MLXIP: variants seen among roughly 807,000 people sequenced by gnomAD.
MLXIP encodes MLX-interacting protein.
Under a neutral mutation model 87.2 loss-of-function variants are expected in MLXIP, and 30 were observed. The ratio of observed to expected loss-of-function variants is 0.34; its 90% confidence interval spans 0.26 to 0.47. MLXIP has a LOEUF of 0.47. MLXIP is among the 20% of genes least tolerant of loss of function. The pLI, the probability that MLXIP is intolerant of heterozygous loss-of-function variation, is 1.00. For missense variants in MLXIP, 1,002 were observed against 1,240.1 expected (o/e 0.81, Z 2.88); for synonymous variants, 530 against 514.0 (o/e 1.03, Z -0.42).
Position 122,135,623 on chromosome 12 carries a change from C to T in MLXIP, c.1989C>T (p.Val663=), listed in dbSNP as rs550403010. ...ACCCCCTGGGGAAGGGCGAGCAGGT[C>T]CCGCTGCATGGGGGCAGCCCCCAGG... ...AQDPLGKGEQ[V]PLHGGSPQVT... is the part of the protein sequence containing the mutation. The change falls in exon 11 of 17, where the codon GTC becomes GTT. Residue 663 remains valine (V), a synonymous_variant. Coordinates refer to ENST00000319080, the MANE Select transcript of MLXIP (RefSeq NM_014938.6). This position sits in a 1 kb window ranked among gnomAD's most constrained non-coding sequence, Gnocchi z 5.3. 1.4e-5 allele frequency: 22 copies of T among 1,559,190 alleles called. No individual in the cohort carries two copies. The South Asian group carries it at 2.1e-4, about 15-fold the overall frequency.
At chr12:122,110,888 T>C (rs898893160) in intron 1 of MLXIP, among the ~76,000 whole-genome samples, 6 of 151,986 alleles carry the variant, frequency 3.9e-5, no homozygotes, top group East Asian at 1.9e-4. Context: ...CCATCCTGGC[T>C]AACATGGTGA....
intron 1 of MLXIP, among the ~76,000 whole-genome samples, chr12:122,097,162 G>A (rs1012732418): frequency 6.6e-6 from 1 of 152,116 alleles, no homozygotes; most frequent in Admixed American, 6.5e-5. Context: ...TGAGGACTTT[G>A]GTTATGGGTG....
rs1953267719 is a variant in MLXIP at position 122,144,631 on chromosome 12, A to C, written c.*2819A>C. 6.6e-6 allele frequency: 1 copy of C among 152,232 alleles called. No homozygotes were observed. Among genetic ancestry groups the C allele is most frequent in the Non-Finnish European group, 1.5e-5 (1 of 68,074 alleles). The allele number at this position is 152,232 out of a possible 1,614,324, so 9.4% of individuals were successfully genotyped here. On this transcript the variant is annotated 3_prime_UTR_variant, in exon 17 of 17. Transcript: ENST00000319080. The stretch of plus-strand genomic sequence containing the variant: ...CAGACTGTGGTGGCTCACGCCTGTA[A>C]TCCCAGCACTTTGGTAGGCCAAGGC...
At chr12:122,132,634 A>C in intron 8 of MLXIP, 1 of 490,204 alleles carries the variant, frequency 2.0e-6, no homozygotes. Context: ...ACCTATGTGC[A>C]GCTAGCTCTG....
intron 7 of MLXIP, among the ~76,000 whole-genome samples, chr12:122,131,869 A>T (rs1352301094): frequency 7.1e-6 from 1 of 141,480 alleles, no homozygotes; most frequent in African/African-American, 2.6e-5. Context: ...TGTAGTTGGG[A>T]CCACTGGTGG....
intron 1 of MLXIP, among the ~76,000 whole-genome samples, chr12:122,104,454 C>T (rs1275711821): frequency 2.0e-5 from 3 of 152,150 alleles, no homozygotes; most frequent in African/African-American, 4.8e-5. Context: ...TTGCTGTCTG[C>T]ACCTGTAGTT....
intron 1 of MLXIP, among the ~76,000 whole-genome samples, chr12:122,126,025 G>T (rs1446162903): frequency 6.6e-6 from 1 of 152,226 alleles, no homozygotes; most frequent in Admixed American, 6.5e-5. Context: ...AAGGGGCAGG[G>T]CTGTGGCCTG....
chr12:122,089,616 G>A (rs1346187060), intron 1 of MLXIP, among the ~76,000 whole-genome samples: 1 of 152,118 alleles, frequency 6.6e-6, no homozygotes, highest in Non-Finnish European at 1.5e-5. Flanking sequence ...TAAGTGTAAG[G>A]TTCAGTGATT....
rs373951887 is a variant in MLXIP at position 122,135,641 on chromosome 12, C to A, written c.2007C>A (p.Ser669Arg). The change falls in exon 11 of 17, where the codon AGC becomes AGA. Residue 669 changes from serine to arginine, a missense_variant. Around this residue, in one of 3 missense-constraint regions of MLXIP, gnomAD observed 746 missense variants for 897.0 expected, o/e 0.83. Transcript: ENST00000319080. This position sits in a 1 kb window ranked among gnomAD's most constrained non-coding sequence, Gnocchi z 5.3. ...AGCAGGTCCCGCTGCATGGGGGCAGCCCCCAGGTCACTGTCACAGGGCCCA... is the reference window on the plus strand; with the variant it reads ...AGCAGGTCCCGCTGCATGGGGGCAGACCCCAGGTCACTGTCACAGGGCCCA... ...KGEQVPLHGG[S>R]PQVTVTGPSR... 5.9e-6 allele frequency: 9 copies of A among 1,530,710 alleles called. No individual in the cohort carries two copies. Among genetic ancestry groups the A allele is most frequent in the African/African-American group, 2.7e-5 (2 of 73,068 alleles). 94.8% of individuals were successfully genotyped at this position (1,530,710 alleles called of 1,614,324 possible).
At chr12:122,099,058 C>A (rs1952397658) in intron 1 of MLXIP, among the ~76,000 whole-genome samples, 1 of 152,170 alleles carries the variant, frequency 6.6e-6, no homozygotes, top group Non-Finnish European at 1.5e-5. Context: ...GGCAACATAG[C>A]AAGATCTTCT....
At chr12:122,114,980 C>T (rs1268727405) in intron 1 of MLXIP, among the ~76,000 whole-genome samples, 1 of 151,804 alleles carries the variant, frequency 6.6e-6, no homozygotes, top group Non-Finnish European at 1.5e-5. Context: ...CTCCTGACCT[C>T]AAATGATCCA....
At position 122,135,557 on chromosome 12, in the gene MLXIP, G is replaced by T; in HGVS notation, c.1923G>T (p.Pro641=). Reference sequence around the variant, plus strand: ...ATCTCGGCCATGGCACGAGCAGCCCGCCTGCCCCCGTCTCCCGGCTCTTCC... The same window carrying T: ...ATCTCGGCCATGGCACGAGCAGCCCTCCTGCCCCCGTCTCCCGGCTCTTCC... ...VTDLGHGTSS[P]PAPVSRLFPS... Residue 641 remains proline, a synonymous_variant, in exon 11 of 17, where the codon CCG becomes CCT. Coordinates refer to ENST00000319080, the MANE Select transcript of MLXIP (RefSeq NM_014938.6). The surrounding 1 kb of genome is among the most constrained non-coding windows in gnomAD (Gnocchi z 5.3). The T allele has an allele frequency of 5.6e-6, 9 of 1,602,488 alleles. No homozygotes were observed. The highest frequency in any genetic ancestry group is 7.7e-6 in the Non-Finnish European group (9 of 1,175,520).
intron 1 of MLXIP, among the ~76,000 whole-genome samples, chr12:122,096,933 C>A (rs1388528611): frequency 6.6e-6 from 1 of 152,204 alleles, no homozygotes. Flanking sequence ...CTGCAAGTTA[C>A]AAAACTGGGG....
intron 1 of MLXIP, among the ~76,000 whole-genome samples, chr12:122,107,686 A>G (rs1450991113): frequency 6.6e-6 from 1 of 152,144 alleles, no homozygotes; most frequent in Non-Finnish European, 1.5e-5. Flanking sequence ...TGTCTGTCCA[A>G]GGCTGCAGAG....
chr12:122,089,248 C>G (rs1055125047), intron 1 of MLXIP, among the ~76,000 whole-genome samples: 5 of 152,124 alleles, frequency 3.3e-5, no homozygotes, highest in East Asian at 1.9e-4. Context: ...CACATGGTAA[C>G]CAGCCCGTTC....
chr12:122,120,689 GA>G (rs1395270620), intron 1 of MLXIP, among the ~76,000 whole-genome samples: 1 of 152,132 alleles, frequency 6.6e-6, no homozygotes, highest in Non-Finnish European at 1.5e-5. Flanking sequence ...TGGCTTGTAA[GA>G]GAACCCTGGA....
rs1043771 is a variant in MLXIP at position 122,146,934 on chromosome 12, C to T, written c.*5122C>T. ...CCCGGGCCCCACAGCTCCAGGCCATCCCCTACGGGCTGCCCACAGTGCCCC... is the reference window on the plus strand; with the variant it reads ...CCCGGGCCCCACAGCTCCAGGCCATTCCCTACGGGCTGCCCACAGTGCCCC... On this transcript the variant is annotated 3_prime_UTR_variant, in exon 17 of 17. Coordinates refer to ENST00000319080, the MANE Select transcript of MLXIP (RefSeq NM_014938.6). 0.13 allele frequency: 20,128 copies of T among 152,292 alleles called. 1,451 individuals carry two copies. Among genetic ancestry groups the T allele is most frequent in the Non-Finnish European group, 0.17 (11,694 of 68,018 alleles). The allele number at this position is 152,292 out of a possible 1,614,324, so 9.4% of individuals were successfully genotyped here. A position where few individuals can be genotyped will look rare whatever the true frequency, so the allele number is the denominator to read the frequency against.
chr12:122,128,278 G>GT (rs1952914634), intron 3 of MLXIP: 1 of 255,442 alleles, frequency 3.9e-6, no homozygotes, highest in South Asian at 5.2e-5. Flanking sequence ...ATATATAGAA[G>GT]TGTCTTTATT....
intron 1 of MLXIP, among the ~76,000 whole-genome samples, chr12:122,092,058 C>T (rs768120618): frequency 1.4e-4 from 21 of 151,714 alleles, no homozygotes; most frequent in Non-Finnish European, 2.1e-4. Context: ...ATTTTTTTTC[C>T]CCTTTCTTTT....
Sources: gnomAD v4.1 joint callset for allele counts (sites outside exome capture counted in the v4.1 genomes callset) on GRCh38, gnomAD v4.1.1 for gene constraint, gnomAD v4.1.1 regional missense constraint, Gnocchi (gnomAD v3.1) non-coding constraint, MANE v1.5 for transcripts, NCBI Gene and HGNC (gene_info 2026-07-23, HGNC 2026-07-21) for gene names.